Variants in NFATC3 observed in about 807,000 individuals in gnomAD.
NFATC3 encodes nuclear factor of activated T-cells, cytoplasmic 3.
NFATC3 carries 46 observed loss-of-function variants against 98.6 expected under a neutral mutation model. That is an observed-to-expected ratio of 0.47 (90% CI 0.37 to 0.60). NFATC3 has a LOEUF of 0.60. Ranked by LOEUF, NFATC3 falls within the 20% of genes least tolerant of loss-of-function variation. NFATC3 has a pLI of 0.00. For missense variants in NFATC3, 1,256 were observed against 1,295.5 expected (o/e 0.97, Z 0.47); for synonymous variants, 512 against 472.2 (o/e 1.08, Z -1.09).
intron 3 of NFATC3, among the ~76,000 whole-genome samples, chr16:68,141,793 G>A (rs2037766491): frequency 6.6e-6 from 1 of 152,090 alleles, no homozygotes; most frequent in Admixed American, 6.6e-5. Context: ...TTCTTCCACA[G>A]TGCAGAATCT....
intron 1 of NFATC3, among the ~76,000 whole-genome samples, chr16:68,092,499 C>T (rs964692363): frequency 7.9e-5 from 11 of 138,436 alleles, no homozygotes; most frequent in East Asian, 2.1e-4. Flanking sequence ...CGGTGGCTTA[C>T]GCCTGTAATC....
At chr16:68,088,527 A>G (rs1328736736) in intron 1 of NFATC3, among the ~76,000 whole-genome samples, 1 of 147,212 alleles carries the variant, frequency 6.8e-6, no homozygotes, top group Non-Finnish European at 1.5e-5. Flanking sequence ...TTTATTATAT[A>G]TTTTATATAT....
In NFATC3 at chr16:68,122,198, C is replaced by T. The variant is rs1421030589; in HGVS notation, c.315C>T (p.Pro105=). 2 of 1,614,024 alleles carry T rather than the reference C, an allele frequency of 1.2e-6. No homozygotes were observed. The highest frequency in any genetic ancestry group is 1.3e-5 in the African/African-American group (1 of 74,906). ...SKYSPLGGPK[P]FECPSIQITS... is the part of the protein sequence containing the mutation. ...ATAGCCCATTAGGTGGTCCCAAACCCTTTGAGTGCCCAAGTATTCAAATTA... is the reference window on the plus strand; with the variant it reads ...ATAGCCCATTAGGTGGTCCCAAACCTTTTGAGTGCCCAAGTATTCAAATTA... Residue 105 remains proline, a synonymous_variant, in exon 2 of 10, where the codon CCC becomes CCT. Transcript: ENST00000346183.
chr16:68,092,878 A>G (rs918195646), intron 1 of NFATC3, among the ~76,000 whole-genome samples: 3 of 152,146 alleles, frequency 2.0e-5, no homozygotes, highest in African/African-American at 7.2e-5. Flanking sequence ...AAATTTTGCC[A>G]CTTCCTGAAA....
At chr16:68,096,453 G>C (rs1395412344) in intron 1 of NFATC3, among the ~76,000 whole-genome samples, 2 of 152,214 alleles carry the variant, frequency 1.3e-5, no homozygotes, top group African/African-American at 4.8e-5. Flanking sequence ...CTTCCATTAA[G>C]TGGGTAAATA....
intron 9 of NFATC3, among the ~76,000 whole-genome samples, chr16:68,219,041 C>T (rs2041751411): frequency 6.6e-6 from 1 of 151,202 alleles, no homozygotes; most frequent in Non-Finnish European, 1.5e-5. Flanking sequence ...GCCAGAAGTT[C>T]GAGACCAGCC....
intron 5 of NFATC3, among the ~76,000 whole-genome samples, chr16:68,167,621 C>A (rs932377747): frequency 6.6e-6 from 1 of 151,906 alleles, no homozygotes; most frequent in African/African-American, 2.4e-5. Flanking sequence ...AATACTTGAT[C>A]TTTAGGACAT....
chr16:68,174,538 A>G, intron 6 of NFATC3, 24 bp downstream of exon 6: 2 of 1,524,648 alleles, frequency 1.3e-6, no homozygotes, highest in African/African-American at 1.4e-5. Flanking sequence ...GAGTTGATTG[A>G]CTTCAAACTA....
intron 5 of NFATC3, among the ~76,000 whole-genome samples, chr16:68,167,609 C>T (rs1172111036): frequency 6.6e-6 from 1 of 151,938 alleles, no homozygotes; most frequent in African/African-American, 2.4e-5. Context: ...AATATTGAGA[C>T]TAATACTTGA....
rs149305266 is a variant in NFATC3, at chr16:68,123,532, G to T, written c.1238+411G>T. 1.8e-3 allele frequency among the ~76,000 whole-genome samples: 270 copies of T among 150,908 alleles called. 4 individuals carry two copies. Among genetic ancestry groups the T allele is most frequent in the African/African-American group, 6.2e-3 (254 of 41,044 alleles). Reference sequence around the variant, plus strand: ...AAAAAAAAAATTAACCAGGCATAGTGATGTCTGCCTGTAGTCCTAGCTGCT... The same window carrying T: ...AAAAAAAAAATTAACCAGGCATAGTTATGTCTGCCTGTAGTCCTAGCTGCT... On this transcript the variant is annotated intron_variant, in intron 2 of 9. Coordinates refer to ENST00000346183, the MANE Select transcript of NFATC3 (RefSeq NM_173165.3).
chr16:68,140,507 C>G (rs2037693291), intron 3 of NFATC3, among the ~76,000 whole-genome samples: 1 of 152,102 alleles, frequency 6.6e-6, no homozygotes, highest in African/African-American at 2.4e-5. Flanking sequence ...GACAACATTC[C>G]AAGGTTTAGT....
chr16:68,191,931 C>T (rs2040424849), intron 9 of NFATC3, 156 bp downstream of exon 9: 5 of 810,490 alleles, frequency 6.2e-6, no homozygotes, highest in African/African-American at 3.5e-5. Context: ...ATAACTTTGC[C>T]AGGTACCACG....
intron 3 of NFATC3, among the ~76,000 whole-genome samples, chr16:68,127,596 G>A (rs2036904341): frequency 6.6e-6 from 1 of 151,240 alleles, no homozygotes; most frequent in South Asian, 2.1e-4. Flanking sequence ...GCTAAGATGG[G>A]AAGATCAATT....
intron 9 of NFATC3, among the ~76,000 whole-genome samples, chr16:68,210,937 A>G (rs1360107884): frequency 6.6e-6 from 1 of 151,908 alleles, no homozygotes; most frequent in East Asian, 1.9e-4. Flanking sequence ...GCGCACCACC[A>G]TGCCCGGCTA....
At chr16:68,187,158 G>A in intron 8 of NFATC3, among the ~76,000 whole-genome samples, 1 of 152,202 alleles carries the variant, frequency 6.6e-6, no homozygotes, top group East Asian at 1.9e-4. Flanking sequence ...CACCAGCATG[G>A]GTGGTGGCGC....
At chr16:68,128,906 G>A (rs1157427820) in intron 3 of NFATC3, among the ~76,000 whole-genome samples, 1 of 152,032 alleles carries the variant, frequency 6.6e-6, no homozygotes, top group East Asian at 1.9e-4. Flanking sequence ...GATTGCTTGA[G>A]GCCAGGAGTT....
At chr16:68,217,571 T>C in intron 9 of NFATC3, 1 of 1,124,478 alleles carries the variant, frequency 8.9e-7, no homozygotes, top group Non-Finnish European at 1.1e-6. Context: ...TGGTGGTAAG[T>C]TTTATTTTTG....
intron 9 of NFATC3, among the ~76,000 whole-genome samples, chr16:68,222,708 G>T (rs1212535474): frequency 1.3e-5 from 2 of 152,116 alleles, no homozygotes; most frequent in East Asian, 3.9e-4. Flanking sequence ...ATTGAATTAG[G>T]GTCCATTTAT....
At chr16:68,112,788 T>G (rs1036789256) in intron 1 of NFATC3, among the ~76,000 whole-genome samples, 1 of 143,418 alleles carries the variant, frequency 7.0e-6, no homozygotes, top group Admixed American at 7.0e-5. Context: ...CCTCCCGACA[T>G]TTTTTTTTTT....
Sources: allele counts gnomAD v4.1 joint callset (sites outside exome capture counted in the v4.1 genomes callset), GRCh38; gene constraint gnomAD v4.1.1; transcripts MANE v1.5; gene names NCBI Gene and HGNC (gene_info 2026-07-23, HGNC 2026-07-21).